The following FSTL5 variants were observed in gnomAD, a reference collection of about 807,000 sequenced individuals.
The protein encoded by FSTL5 is follistatin like 5.
A neutral mutation model predicts 89.1 loss-of-function variants in FSTL5; 62 were observed. The ratio of observed to expected loss-of-function variants is 0.70; its 90% CI spans 0.57 to 0.86. FSTL5 has a LOEUF of 0.86. Ranked by LOEUF, FSTL5 falls within the 40% of genes least tolerant of loss-of-function variation. The probability of loss-of-function intolerance (pLI) is 0.00; values close to 1 mark genes in which losing one functional copy is unlikely to be tolerated. For missense variants in FSTL5, 1,057 were observed against 1,001.6 expected, an observed-to-expected ratio of 1.06 and a Z score of -0.75; for synonymous variants, 383 against 346.2, an observed-to-expected ratio of 1.11 and a Z score of -1.18.
intron 4 of FSTL5, among the ~76,000 whole-genome samples, chr4:161,803,429 T>C (rs1469047646): frequency 6.6e-6 from 1 of 151,470 alleles, no homozygotes; most frequent in Non-Finnish European, 1.5e-5. Context: ...AAAATACTCA[T>C]AGTGATAAGT....
intron 6 of FSTL5, among the ~76,000 whole-genome samples, chr4:161,743,648 T>C (rs1213804936): frequency 6.6e-6 from 1 of 152,142 alleles, no homozygotes; most frequent in East Asian, 1.9e-4. Flanking sequence ...GTATTGTTAT[T>C]TTAACAATAC....
intron 3 of FSTL5, among the ~76,000 whole-genome samples, chr4:161,962,004 T>C (rs1735192945): frequency 6.6e-6 from 1 of 151,952 alleles, no homozygotes; most frequent in Non-Finnish European, 1.5e-5. Flanking sequence ...ATATTATGTG[T>C]TGACCATATT....
chr4:161,628,435 T>C (rs2126653052), intron 7 of FSTL5, among the ~76,000 whole-genome samples: 1 of 152,252 alleles, frequency 6.6e-6, no homozygotes. Context: ...ACAGCCTTGA[T>C]AAAAACGGCT....
chr4:161,794,820 C>T (rs746867582), intron 4 of FSTL5, among the ~76,000 whole-genome samples: 5 of 152,034 alleles, frequency 3.3e-5, no homozygotes, highest in Admixed American at 6.6e-5. Flanking sequence ...AAGACATAGT[C>T]ACAAATTAAA....
chr4:162,105,704 G>T (rs1016801445), intron 2 of FSTL5, among the ~76,000 whole-genome samples: 1 of 151,838 alleles, frequency 6.6e-6, no homozygotes. Context: ...TATATTAATT[G>T]GTATAATCCT....
chr4:161,457,129 C>T lies in FSTL5; in HGVS notation c.1717-2001G>A, dbSNP rs149238822. On this transcript the variant is annotated intron_variant, in intron 14 of 15. Coordinates refer to ENST00000306100, the MANE Select transcript of FSTL5 (RefSeq NM_020116.5). ...ATCCATGAGTGAGAAATGGCCTATTCTCTGATCCAGAGATCTTGTGTTTCC... is the reference window on the plus strand; with the variant it reads ...ATCCATGAGTGAGAAATGGCCTATTTTCTGATCCAGAGATCTTGTGTTTCC... Among the ~76,000 whole-genome samples, 795 of 152,260 alleles carry T rather than the reference C, an allele frequency of 5.2e-3. 12 individuals carry two copies. Among genetic ancestry groups the T allele is most frequent in the African/African-American group, 0.015 (612 of 41,560 alleles).
rs145014553 is a variant in FSTL5 at position 161,920,982 on chromosome 4, G to A, written c.161-330C>T. ...TGACCACTTACTAGCTTTATGTTTT[G>A]GATAAATTCCTTCCTTGTGCCAAGT... On this transcript the variant is annotated intron_variant, in intron 3 of 15. Transcript: ENST00000306100. Among the ~76,000 whole-genome samples, 308 of 152,168 alleles carry A rather than the reference G, an allele frequency of 2.0e-3. 4 individuals are homozygous for A. The highest frequency in any genetic ancestry group is 0.014 in the Middle Eastern group (4 of 294).
At position 162,022,836 on chromosome 4, in the gene FSTL5, A is replaced by T. The variant is rs540927413; in HGVS notation, c.160+10789T>A. On this transcript the variant is annotated intron_variant, in intron 3 of 15. Coordinates refer to ENST00000306100, the MANE Select transcript of FSTL5 (RefSeq NM_020116.5). ...ACAAGCCAAGCAAAGAAAGTCAAAT[A>T]TCACATATTCTCACTCCTAAGTAGG... 4 of 152,308 alleles carry T rather than the reference A, an allele frequency of 2.6e-5. 1 individual carries two copies. In the South Asian group the frequency reaches 8.3e-4, roughly 32 times the overall value. 9.4% of individuals were successfully genotyped at this position (152,308 alleles called of 1,614,324 possible). A position where few individuals can be genotyped will look rare whatever the true frequency, so the allele number is the denominator to read the frequency against.
Position 161,783,752 on chromosome 4 carries a change from C to CT in FSTL5, c.410-7679dup, listed in dbSNP as rs1436700483. Among the ~76,000 whole-genome samples, 3 of 106,046 alleles carry CT rather than the reference C, an allele frequency of 2.8e-5. 1 individual carries two copies. Among genetic ancestry groups the CT allele is most frequent in the Admixed American group, 1.2e-4 (1 of 8,304 alleles). 69.6% of individuals were successfully genotyped at this position (106,046 alleles called of 152,430 possible). A position where few individuals can be genotyped will look rare whatever the true frequency, so the allele number is the denominator to read the frequency against. ...TTTTCTTTTCTTTCTTTCTTTCTTT[C>CT]TTTCTTTCCTTCTTTCTCTTTCTTG... On this transcript the variant is annotated intron_variant, in intron 4 of 15. Coordinates refer to ENST00000306100, the MANE Select transcript of FSTL5 (RefSeq NM_020116.5).
intron 3 of FSTL5, among the ~76,000 whole-genome samples, chr4:161,933,365 A>C (rs1734344485): frequency 6.6e-6 from 1 of 152,086 alleles, no homozygotes; most frequent in Non-Finnish European, 1.5e-5. Context: ...TTGTGTTATA[A>C]AAGTCTCTAC....
At chr4:161,407,885 C>T (rs1270037051) in intron 15 of FSTL5, among the ~76,000 whole-genome samples, 1 of 152,200 alleles carries the variant, frequency 6.6e-6, no homozygotes, top group Non-Finnish European at 1.5e-5. Flanking sequence ...TCAGATTTCA[C>T]ACCACAGAAA....
At chr4:161,896,864 A>G (rs1313187168) in intron 4 of FSTL5, among the ~76,000 whole-genome samples, 2 of 152,132 alleles carry the variant, frequency 1.3e-5, no homozygotes, top group Non-Finnish European at 2.9e-5. Flanking sequence ...ATCTTAGTGT[A>G]AAGTGCAGAG....
chr4:161,585,112 G>A (rs1027533488), intron 8 of FSTL5, among the ~76,000 whole-genome samples: 1 of 152,084 alleles, frequency 6.6e-6, no homozygotes, highest in Non-Finnish European at 1.5e-5. Context: ...TTCATTCATG[G>A]GAGGGGATGA....
intron 6 of FSTL5, among the ~76,000 whole-genome samples, chr4:161,703,907 A>C (rs186864087): frequency 6.6e-5 from 10 of 152,256 alleles, no homozygotes; most frequent in Admixed American, 6.5e-5. Context: ...AACACAAATA[A>C]AGTTTCATAG....
intron 6 of FSTL5, among the ~76,000 whole-genome samples, chr4:161,705,864 T>C (rs1738546911): frequency 6.8e-6 from 1 of 146,412 alleles, no homozygotes; most frequent in Non-Finnish European, 1.5e-5. Flanking sequence ...AGGTCAAGAC[T>C]GCATGCCAAT....
chr4:161,733,418 A>T (rs1739683451), intron 6 of FSTL5, among the ~76,000 whole-genome samples: 1 of 151,882 alleles, frequency 6.6e-6, no homozygotes, highest in Admixed American at 6.6e-5. Context: ...TGTTGGGATA[A>T]GAGTGTTATT....
intron 3 of FSTL5, among the ~76,000 whole-genome samples, chr4:161,956,347 C>T (rs995101931): frequency 2.3e-4 from 35 of 151,506 alleles, no homozygotes; most frequent in African/African-American, 5.3e-4. Context: ...GAAAAATGCA[C>T]GTATGACACA....
intron 7 of FSTL5, among the ~76,000 whole-genome samples, chr4:161,634,738 G>T (rs188857763): frequency 2.6e-4 from 40 of 152,260 alleles, no homozygotes; most frequent in Admixed American, 5.9e-4. Context: ...AGGAACTGGG[G>T]ATGAGAAAAA....
intron 7 of FSTL5, among the ~76,000 whole-genome samples, chr4:161,644,874 G>A (rs1253558546): frequency 6.6e-6 from 1 of 152,132 alleles, no homozygotes; most frequent in Non-Finnish European, 1.5e-5. Flanking sequence ...GTGGAAATAA[G>A]AGGACATAAT....
Sources: allele counts gnomAD v4.1 joint callset (sites outside exome capture counted in the v4.1 genomes callset), GRCh38; gene constraint gnomAD v4.1.1; transcripts MANE v1.5; gene names NCBI Gene and HGNC (gene_info 2026-07-23, HGNC 2026-07-21).